GHR: variants seen among roughly 807,000 people sequenced by gnomAD.
The protein encoded by GHR is GH receptor.
A neutral mutation model predicts 67.1 loss-of-function variants in GHR; 35 were observed. The observed-to-expected ratio is 0.52, with a 90% CI of 0.40 to 0.69. The LOEUF is 0.69. Among genes scored for constraint, GHR ranks in the 30% least tolerant of loss-of-function variants. GHR has a pLI of 0.00. For missense variants in GHR, 792 were observed against 764.6 expected (o/e 1.04, Z -0.42); for synonymous variants, 272 against 269.1 (o/e 1.01, Z -0.10).
chr5:42,570,700 A>C, intron 2 of GHR, among the ~76,000 whole-genome samples: 1 of 152,208 alleles, frequency 6.6e-6, no homozygotes, highest in Non-Finnish European at 1.5e-5. Context: ...AAGAATTTTG[A>C]ATGTATATTC....
In GHR at chr5:42,639,338, T is replaced by A. The variant is rs553668726; in HGVS notation, c.136+10235T>A. Among the ~76,000 whole-genome samples, 10 of 152,298 alleles carry A rather than the reference T, an allele frequency of 6.6e-5. No individual in the cohort carries two copies. In the East Asian group the frequency reaches 1.9e-3, roughly 29 times the overall value. ...GGAAATTGTGCACTTTAAAGACTCA[T>A]AAACCTGAAACCTCACAGAATCATA... On this transcript the variant is annotated intron_variant, in intron 3 of 9. Coordinates refer to ENST00000230882, the MANE Select transcript of GHR (RefSeq NM_000163.5).
chr5:42,578,905 G>A (rs547763880), intron 2 of GHR, among the ~76,000 whole-genome samples: 26 of 152,074 alleles, frequency 1.7e-4, no homozygotes, highest in South Asian at 6.2e-4. Context: ...ATTTCACTAC[G>A]TACAGCAATA....
At chr5:42,611,554 C>A (rs142345992) in intron 2 of GHR, among the ~76,000 whole-genome samples, 2 of 152,114 alleles carry the variant, frequency 1.3e-5, no homozygotes, top group Admixed American at 6.6e-5. Flanking sequence ...GGGGACAAAA[C>A]GCACATGGTT....
chr5:42,435,887 C>T (rs888462484), intron 1 of GHR, among the ~76,000 whole-genome samples: 10 of 152,120 alleles, frequency 6.6e-5, no homozygotes, highest in African/African-American at 2.4e-4. Context: ...ATGTTGAATC[C>T]AACATCATGC....
chr5:42,689,485 T>C (rs1442589545), intron 4 of GHR, among the ~76,000 whole-genome samples: 2 of 152,168 alleles, frequency 1.3e-5, no homozygotes, highest in East Asian at 3.8e-4. Flanking sequence ...GCTTGAATGA[T>C]GCTGAAATGC....
At chr5:42,589,549 T>C in intron 2 of GHR, among the ~76,000 whole-genome samples, 1 of 152,242 alleles carries the variant, frequency 6.6e-6, no homozygotes, top group Non-Finnish European at 1.5e-5. Flanking sequence ...TAACTTTATC[T>C]TTTAAGTGGA....
chr5:42,609,290 A>G (rs1436193161), intron 2 of GHR, among the ~76,000 whole-genome samples: 3 of 152,190 alleles, frequency 2.0e-5, no homozygotes, highest in Non-Finnish European at 4.4e-5. Context: ...ACAGGTGCCA[A>G]TGGCTGAACC....
At chr5:42,711,733 C>G (rs1442829778) in intron 7 of GHR, among the ~76,000 whole-genome samples, 1 of 151,934 alleles carries the variant, frequency 6.6e-6, no homozygotes, top group African/African-American at 2.4e-5. Context: ...GGAAAAAAAG[C>G]TGTACTGATG....
intron 1 of GHR, among the ~76,000 whole-genome samples, chr5:42,550,633 T>A (rs1748978307): frequency 6.6e-6 from 1 of 152,176 alleles, no homozygotes; most frequent in African/African-American, 2.4e-5. Flanking sequence ...TGTTTTTTCC[T>A]TTTTATCCTC....
intron 1 of GHR, among the ~76,000 whole-genome samples, chr5:42,529,061 G>A (rs1236241510): frequency 6.7e-6 from 1 of 149,798 alleles, no homozygotes; most frequent in Non-Finnish European, 1.5e-5. Flanking sequence ...GCCCAGTCTG[G>A]TGTGCAGTGG....
chr5:42,493,343 T>G (rs1197850901), intron 1 of GHR, among the ~76,000 whole-genome samples: 2 of 152,196 alleles, frequency 1.3e-5, no homozygotes, highest in African/African-American at 4.8e-5. Flanking sequence ...TTTTTAAAGT[T>G]TGATTATCAA....
chr5:42,582,795 C>A (rs1051136294), intron 2 of GHR, among the ~76,000 whole-genome samples: 3 of 152,232 alleles, frequency 2.0e-5, no homozygotes, highest in East Asian at 1.9e-4. Flanking sequence ...CAGTTGCCCA[C>A]GGTGGAAGCC....
intron 2 of GHR, among the ~76,000 whole-genome samples, chr5:42,625,563 T>C (rs1399026273): frequency 6.6e-6 from 1 of 152,128 alleles, no homozygotes; most frequent in East Asian, 1.9e-4. Flanking sequence ...AGCTTGGTTT[T>C]ATATATTTTA....
chr5:42,615,923 A>G (rs778137606), intron 2 of GHR, among the ~76,000 whole-genome samples: 22 of 152,250 alleles, frequency 1.4e-4, no homozygotes, highest in South Asian at 2.1e-4. Flanking sequence ...AATAAGTATT[A>G]CAAATGGTCC....
chr5:42,662,509 G>A (rs187757116), intron 3 of GHR, among the ~76,000 whole-genome samples: 1 of 151,944 alleles, frequency 6.6e-6, no homozygotes, highest in Admixed American at 6.5e-5. Flanking sequence ...ATGACTACTG[G>A]GTACATAACA....
chr5:42,694,219 T>C (rs953863319), intron 4 of GHR, among the ~76,000 whole-genome samples: 2 of 152,204 alleles, frequency 1.3e-5, no homozygotes, highest in African/African-American at 4.8e-5. Flanking sequence ...TTTTTACTCT[T>C]TCCTTCTGAG....
At chr5:42,529,246 C>T (rs1413883524) in intron 1 of GHR, among the ~76,000 whole-genome samples, 3 of 152,074 alleles carry the variant, frequency 2.0e-5, no homozygotes, top group East Asian at 3.9e-4. Context: ...CTCCTGACCA[C>T]GTGATCCACC....
chr5:42,502,666 G>A (rs889348996), intron 1 of GHR, among the ~76,000 whole-genome samples: 3 of 151,676 alleles, frequency 2.0e-5, no homozygotes, highest in Admixed American at 1.3e-4. Context: ...TAAGGCAATG[G>A]GACCAAAGTC....
intron 1 of GHR, among the ~76,000 whole-genome samples, chr5:42,465,163 G>A (rs1469118702): frequency 6.6e-6 from 1 of 152,182 alleles, no homozygotes; most frequent in Non-Finnish European, 1.5e-5. Context: ...CCCATGGTTT[G>A]GAACAAGTAT....
Sources: gnomAD v4.1 joint callset for allele counts (sites outside exome capture counted in the v4.1 genomes callset) on GRCh38, gnomAD v4.1.1 for gene constraint, MANE v1.5 for transcripts, NCBI Gene and HGNC (gene_info 2026-07-23, HGNC 2026-07-21) for gene names.